Variants in WDR41 observed in about 807,000 individuals in gnomAD.
The protein encoded by WDR41 is WD repeat-containing protein 41.
In WDR41, 63 loss-of-function variants were observed where a neutral mutation model predicts 69.3. The observed-to-expected ratio is 0.91, with a 90% CI of 0.74 to 1.12. The LOEUF is 1.12. Ranked by LOEUF, WDR41 falls within the 50% of genes most tolerant of loss-of-function variation. WDR41 has a pLI of 0.00. For synonymous variants in WDR41, 185 were observed against 192.1 expected, an observed-to-expected ratio of 0.96 and a Z score of 0.31; for missense variants, 543 against 534.5, an observed-to-expected ratio of 1.02 and a Z score of -0.16.
chr5:77,567,074 C>T (rs543447780), intron 1 of WDR41, among the ~76,000 whole-genome samples: 61 of 152,178 alleles, frequency 4.0e-4, no homozygotes, highest in Non-Finnish European at 7.2e-4. Context: ...TGAGGTAGAG[C>T]GACAGAGTCC....
chr5:77,487,407 T>C lies in WDR41; in HGVS notation c.167+2050A>G, dbSNP rs758676922. Among the ~76,000 whole-genome samples, 35 of 152,260 alleles carry C rather than the reference T, an allele frequency of 2.3e-4. No homozygotes were observed. In the East Asian group the frequency reaches 4.8e-3, roughly 21 times the overall value. On this transcript the variant is annotated intron_variant, in intron 2 of 12. Transcript: ENST00000296679. ...AATAAATGGAGTGTCTCTCAGGACA[T>C]AGCAACAAGTAACATTGCCAAAAAA...
At chr5:77,584,848 A>C (rs9688155) in intron 1 of WDR41, among the ~76,000 whole-genome samples, 46,084 of 152,084 alleles carry the variant, frequency 0.3, 7,057 homozygotes, top group Non-Finnish European at 0.31. Context: ...ACTTAAACTT[A>C]AGACCTGAAA....
rs1414217046 is a variant in WDR41 at position 77,472,683 on chromosome 5, GAATAA to G, written c.168-7879_168-7875del. On this transcript the variant is annotated intron_variant, in intron 2 of 12. Transcript: ENST00000296679. ...CTCCCATTCACAATTGCTTCAAAGAGAATAAAATACCTAGGAATCCAACTTACAAG... is the reference window on the plus strand; with the variant it reads ...CTCCCATTCACAATTGCTTCAAAGAGAATACCTAGGAATCCAACTTACAAG... Among the ~76,000 whole-genome samples the G allele has an allele frequency of 2.0e-5, 3 of 151,982 alleles. No individual in the cohort carries two copies. In the East Asian group the frequency reaches 5.8e-4, roughly 29 times the overall value.
chr5:77,591,902 A>T (rs1239258439), intron 1 of WDR41, among the ~76,000 whole-genome samples: 2 of 152,142 alleles, frequency 1.3e-5, no homozygotes, highest in East Asian at 3.8e-4. Flanking sequence ...CAATTGAATT[A>T]AAATTGTTCA....
intron 1 of WDR41, chr5:77,582,478 A>G (rs1743957137): frequency 1.2e-6 from 2 of 1,601,814 alleles, no homozygotes; most frequent in Non-Finnish European, 8.5e-7. Context: ...GCGCCTGAGA[A>G]AGAAGTTTGC....
chr5:77,564,891 A>G (rs1743592956), intron 1 of WDR41, among the ~76,000 whole-genome samples: 1 of 152,156 alleles, frequency 6.6e-6, no homozygotes, highest in South Asian at 2.1e-4. Flanking sequence ...CTTAGAAGGA[A>G]TTTTTGAGTA....
At chr5:77,441,060 T>G in intron 8 of WDR41, 63 bp from the exon 9 acceptor site, 1 of 1,545,096 alleles carries the variant, frequency 6.5e-7, no homozygotes, top group Non-Finnish European at 8.8e-7. Flanking sequence ...TATAACTGAA[T>G]GGAATGTCTA....
intron 1 of WDR41, among the ~76,000 whole-genome samples, chr5:77,614,792 G>A (rs1009952139): frequency 3.3e-5 from 5 of 149,340 alleles, no homozygotes; most frequent in African/African-American, 1.2e-4. Flanking sequence ...AAAACTTAAA[G>A]TATAATAATA....
chr5:77,593,476 A>G (rs1238581653), intron 1 of WDR41, among the ~76,000 whole-genome samples: 2 of 152,242 alleles, frequency 1.3e-5, no homozygotes, highest in Admixed American at 1.3e-4. Context: ...GATTAAATGA[A>G]TTACAGTAAA....
chr5:77,578,217 AG>A (rs1743868236), intron 1 of WDR41, among the ~76,000 whole-genome samples: 1 of 152,194 alleles, frequency 6.6e-6, no homozygotes, highest in African/African-American at 2.4e-5. Flanking sequence ...ACGTACCCCC[AG>A]GGATTTGGAG....
At chr5:77,465,305 T>C (rs1486211380) in intron 2 of WDR41, among the ~76,000 whole-genome samples, 3 of 152,158 alleles carry the variant, frequency 2.0e-5, no homozygotes, top group Admixed American at 6.5e-5. Context: ...TTTGGAAGAT[T>C]TGAGGATTTT....
At chr5:77,512,355 AGT>A (rs111485869) in intron 1 of WDR41, among the ~76,000 whole-genome samples, 7,955 of 119,182 alleles carry the variant, frequency 0.067, 263 homozygotes, top group Non-Finnish European at 0.095. Context: ...AGAGAGAGTG[AGT>A]GTGTGTGTGT....
intron 1 of WDR41, among the ~76,000 whole-genome samples, chr5:77,546,894 T>C (rs1228559571): frequency 1.3e-5 from 2 of 151,862 alleles, no homozygotes; most frequent in African/African-American, 4.8e-5. Flanking sequence ...GCTAACCGAA[T>C]CCAACAAAAT....
At chr5:77,544,238 A>T (rs1397668317) in intron 1 of WDR41, among the ~76,000 whole-genome samples, 2 of 152,064 alleles carry the variant, frequency 1.3e-5, no homozygotes, top group Admixed American at 6.5e-5. Context: ...CAAAAACACA[A>T]TTTAAAAAAC....
intron 8 of WDR41, among the ~76,000 whole-genome samples, chr5:77,442,825 G>T (rs1220986109): frequency 2.2e-5 from 3 of 134,940 alleles, no homozygotes; most frequent in African/African-American, 8.7e-5. Context: ...CCGGGAGGCG[G>T]AGCTTGCAGT....
At chr5:77,550,406 C>T (rs2112239691) in intron 1 of WDR41, among the ~76,000 whole-genome samples, 1 of 152,138 alleles carries the variant, frequency 6.6e-6, no homozygotes, top group African/African-American at 2.4e-5. Context: ...AGCAAAAAAC[C>T]AAACATTCCC....
At chr5:77,489,397 A>G in intron 2 of WDR41, 60 bp downstream of exon 2, 2 of 1,021,830 alleles carry the variant, frequency 2.0e-6, no homozygotes, top group Non-Finnish European at 2.8e-6. Flanking sequence ...GGTGTTTAAC[A>G]TAAAATTCCC....
chr5:77,494,270 A>AT (rs1263373595), upstream of WDR41, among the ~76,000 whole-genome samples: 1 of 152,174 alleles, frequency 6.6e-6, no homozygotes, highest in Non-Finnish European at 1.5e-5. Flanking sequence ...CAAAAAAACT[A>AT]TAAGGCATAT....
intron 2 of WDR41, among the ~76,000 whole-genome samples, chr5:77,470,033 G>C (rs1034527591): frequency 3.3e-5 from 5 of 149,858 alleles, no homozygotes; most frequent in East Asian, 3.9e-4. Flanking sequence ...AGAGAGAAAG[G>C]TCGGGTTACC....
Sources: gnomAD v4.1 joint callset for allele counts (sites outside exome capture counted in the v4.1 genomes callset) on GRCh38, gnomAD v4.1.1 for gene constraint, MANE v1.5 for transcripts, NCBI Gene and HGNC (gene_info 2026-07-23, HGNC 2026-07-21) for gene names.